DMXL2: variants seen among roughly 807,000 people sequenced by gnomAD.
DMXL2 encodes the protein dmX-like protein 2.
Under a neutral mutation model 331.1 loss-of-function variants are expected in DMXL2, and 103 were observed. The observed-to-expected ratio is 0.31, with a 90% CI of 0.27 to 0.37. The LOEUF (loss-of-function observed/expected upper bound fraction) is 0.37. Among genes scored for constraint, DMXL2 ranks in the 10% least tolerant of loss-of-function variants. The pLI is 1.00. For missense variants in DMXL2, 3,171 were observed against 3,642.9 expected, an observed-to-expected ratio of 0.87 and a Z score of 3.33; for synonymous variants, 1,281 against 1,252.1, an observed-to-expected ratio of 1.02 and a Z score of -0.49.
intron 19 of DMXL2, among the ~76,000 whole-genome samples, chr15:51,493,730 T>C (rs1454829445): frequency 6.6e-6 from 1 of 152,154 alleles, no homozygotes; most frequent in Non-Finnish European, 1.5e-5. Context: ...CCCTAGGAAA[T>C]GTACAAAATT....
intron 1 of DMXL2, among the ~76,000 whole-genome samples, chr15:51,602,986 C>T (rs2053335425): frequency 6.6e-6 from 1 of 152,096 alleles, no homozygotes; most frequent in South Asian, 2.1e-4. Flanking sequence ...AATCAACTGA[C>T]AAAGATGTTA....
chr15:51,532,412 G>A (rs2048052663), intron 13 of DMXL2, among the ~76,000 whole-genome samples: 1 of 152,038 alleles, frequency 6.6e-6, no homozygotes, highest in Admixed American at 6.6e-5. Context: ...AGGGAGGTAG[G>A]GATGGTTAAT....
At chr15:51,543,706 C>T (rs1166510567) in intron 8 of DMXL2, among the ~76,000 whole-genome samples, 1 of 151,998 alleles carries the variant, frequency 6.6e-6, no homozygotes, top group Non-Finnish European at 1.5e-5. Context: ...CCAAGTGGCT[C>T]GTAAGTCAGA....
chr15:51,618,973 T>C (rs2054464528), intron 1 of DMXL2, among the ~76,000 whole-genome samples: 1 of 152,198 alleles, frequency 6.6e-6, no homozygotes, highest in South Asian at 2.1e-4. Context: ...ACTGCCCCTA[T>C]ACATCTCAAA....
At chr15:51,484,788 C>T (rs571097409) in intron 23 of DMXL2, among the ~76,000 whole-genome samples, 13 of 152,248 alleles carry the variant, frequency 8.5e-5, no homozygotes, top group African/African-American at 2.9e-4. Flanking sequence ...CTTAAGGAAA[C>T]TCATTCAGAT....
intron 1 of DMXL2, among the ~76,000 whole-genome samples, chr15:51,602,236 A>G (rs2053277333): frequency 6.6e-6 from 1 of 152,170 alleles, no homozygotes; most frequent in Non-Finnish European, 1.5e-5. Context: ...AAAAACAGAG[A>G]GCTCCAGGAG....
rs2039355078 is a variant in DMXL2 at position 51,453,627 on chromosome 15, G to A, written c.8619C>T (p.His2873=). The change falls in exon 41 of 44, where the codon CAC becomes CAT. Residue 2873 remains histidine (H), a synonymous_variant. Coordinates refer to ENST00000560891, the MANE Select transcript of DMXL2 (RefSeq NM_001378457.1). ...NPKPYMSWQC[H]SKATSDFAFI... is the part of the protein sequence containing the mutation. Reference sequence around the variant, plus strand: ...ATGCAAAGTCACTTGTGGCTTTACTGTGGCACTGCCAACTCTACGAAAAAC... The same window carrying A: ...ATGCAAAGTCACTTGTGGCTTTACTATGGCACTGCCAACTCTACGAAAAAC... 6.2e-7 allele frequency: 1 copy of A among 1,613,446 alleles called. No individual in the cohort carries two copies. Among genetic ancestry groups the A allele is most frequent in the Non-Finnish European group, 8.5e-7 (1 of 1,179,726 alleles).
Position 51,544,601 on chromosome 15 carries a change from A to T in DMXL2, c.930+982T>A, listed in dbSNP as rs114156305. Among the ~76,000 whole-genome samples, 345 of 152,306 alleles carry T rather than the reference A, an allele frequency of 2.3e-3. 2 individuals carry two copies. Among genetic ancestry groups the T allele is most frequent in the African/African-American group, 8.0e-3 (334 of 41,570 alleles). The stretch of plus-strand genomic sequence containing the variant: ...TAAGGACCACATCCTTAACTTGTCA[A>T]AGTTGTATAATATTTCTGCTTGGTA... On this transcript the variant is annotated intron_variant, in intron 8 of 43. Coordinates refer to ENST00000560891, the MANE Select transcript of DMXL2 (RefSeq NM_001378457.1).
At chr15:51,591,603 G>A (rs2052342934) in intron 1 of DMXL2, among the ~76,000 whole-genome samples, 1 of 152,190 alleles carries the variant, frequency 6.6e-6, no homozygotes, top group South Asian at 2.1e-4. Flanking sequence ...GCACTCAGCT[G>A]GACATCTGAG....
At chr15:51,459,805 GAATAA>G (rs1358333602) in intron 33 of DMXL2, 145 bp from the exon 34 acceptor site, 2 of 1,194,582 alleles carry the variant, frequency 1.7e-6, no homozygotes, top group Non-Finnish European at 2.1e-6. Context: ...AAATTAAACC[GAATAA>G]AACAGTCATC....
intron 13 of DMXL2, among the ~76,000 whole-genome samples, chr15:51,524,250 T>C (rs2047540157): frequency 6.6e-6 from 1 of 152,164 alleles, no homozygotes; most frequent in Admixed American, 6.5e-5. Context: ...AATCAAAACA[T>C]ATGAGGAAGT....
At chr15:51,595,785 T>C (rs2052756674) in intron 1 of DMXL2, among the ~76,000 whole-genome samples, 2 of 152,346 alleles carry the variant, frequency 1.3e-5, no homozygotes, top group African/African-American at 4.8e-5. Flanking sequence ...AACCATCTGA[T>C]CTTTGACAAA....
intron 17 of DMXL2, among the ~76,000 whole-genome samples, chr15:51,501,305 T>C (rs1294750497): frequency 6.6e-6 from 1 of 152,190 alleles, no homozygotes; most frequent in Non-Finnish European, 1.5e-5. Flanking sequence ...AAAAACACTA[T>C]TCTAGAAACT....
At chr15:51,589,354 C>T (rs148423429) in intron 1 of DMXL2, among the ~76,000 whole-genome samples, 111 of 152,334 alleles carry the variant, frequency 7.3e-4, no homozygotes, top group African/African-American at 2.5e-3. Context: ...GCAGTTGATA[C>T]TACCAGCTTT....
intron 13 of DMXL2, among the ~76,000 whole-genome samples, chr15:51,534,496 G>T (rs1473984798): frequency 6.6e-6 from 1 of 152,208 alleles, no homozygotes; most frequent in Non-Finnish European, 1.5e-5. Context: ...TTCAAGGATA[G>T]AATGAGCTGC....
intron 11 of DMXL2, 34 bp downstream of exon 11, chr15:51,537,454 G>A (rs1343646376): frequency 6.5e-7 from 1 of 1,538,898 alleles, no homozygotes; most frequent in Non-Finnish European, 8.8e-7. Context: ...ACTATTTTAA[G>A]AAATGTAATA....
intron 13 of DMXL2, among the ~76,000 whole-genome samples, chr15:51,533,105 T>C (rs1216882390): frequency 6.6e-6 from 1 of 152,208 alleles, no homozygotes; most frequent in Non-Finnish European, 1.5e-5. Context: ...GAAATACTTA[T>C]GTATAAACCT....
intron 1 of DMXL2, among the ~76,000 whole-genome samples, chr15:51,599,776 T>C (rs932883187): frequency 2.0e-5 from 3 of 152,118 alleles, no homozygotes; most frequent in Non-Finnish European, 4.4e-5. Flanking sequence ...CTTGGCTCAC[T>C]GCAACCTTCA....
intron 15 of DMXL2, among the ~76,000 whole-genome samples, chr15:51,511,814 G>A (rs2046771474): frequency 6.6e-6 from 1 of 152,158 alleles, no homozygotes. Context: ...TGATAGACTG[G>A]ATAAAGAAAA....
Sources: gnomAD v4.1 joint callset for allele counts (sites outside exome capture counted in the v4.1 genomes callset) on GRCh38, gnomAD v4.1.1 for gene constraint, MANE v1.5 for transcripts, NCBI Gene and HGNC (gene_info 2026-07-23, HGNC 2026-07-21) for gene names.